The following WSCD1 variants were observed in gnomAD, a reference collection of about 807,000 sequenced individuals.
The protein encoded by WSCD1 is sialate:O-sulfotransferase 1.
WSCD1 carries 41 observed loss-of-function variants against 60.4 expected under a neutral mutation model. That is an observed-to-expected ratio of 0.68 (90% CI 0.53 to 0.88). The LOEUF is 0.88. WSCD1 is among the 40% of genes least tolerant of loss of function. The probability of loss-of-function intolerance (pLI) is 0.00; values close to 1 mark genes in which losing one functional copy is unlikely to be tolerated. For missense variants in WSCD1, 784 were observed against 796.2 expected (o/e 0.98, Z 0.18); for synonymous variants, 361 against 332.5 (o/e 1.09, Z -0.93).
rs1904775207 is a variant in WSCD1, at chr17:6,122,517, A to C, written c.*1856A>C. 6.6e-6 allele frequency: 1 copy of C among 152,258 alleles called. No homozygotes were observed. Among genetic ancestry groups the C allele is most frequent in the South Asian group, 2.1e-4 (1 of 4,832 alleles). The allele number at this position is 152,258 out of a possible 1,614,324, so 9.4% of individuals were successfully genotyped here. A position where few individuals can be genotyped will look rare whatever the true frequency, so the allele number is the denominator to read the frequency against. On this transcript the variant is annotated 3_prime_UTR_variant, in exon 9 of 9. Coordinates refer to ENST00000317744, the MANE Select transcript of WSCD1 (RefSeq NM_015253.2). ...GATGGAGCTATTTCTTCCTAGTATC[A>C]GGAGCAATTGAGACCCCTCAGGAGT...
rs1904821601 is a variant in WSCD1 at position 6,123,326 on chromosome 17, A to G, written c.*2665A>G. On this transcript the variant is annotated 3_prime_UTR_variant, in exon 9 of 9. Transcript: ENST00000317744. ...TTATGGATTTCATCTCCCGTTGTGG[A>G]TCAATTTGGAAAAACCAAAATATGT... 6.6e-6 allele frequency: 1 copy of G among 152,234 alleles called. No homozygotes were observed. The highest frequency in any genetic ancestry group is 6.5e-5 in the Admixed American group (1 of 15,282). The allele number at this position is 152,234 out of a possible 1,614,324, so 9.4% of individuals were successfully genotyped here.
chr17:6,073,843 T>C (rs1908691137), intron 1 of WSCD1, among the ~76,000 whole-genome samples: 1 of 152,214 alleles, frequency 6.6e-6, no homozygotes, highest in South Asian at 2.1e-4. Context: ...GAAGACCATG[T>C]GATATGGCTG....
In WSCD1 at chr17:6,123,256, G is replaced by A. The variant is rs1385267027; in HGVS notation, c.*2595G>A. On this transcript the variant is annotated 3_prime_UTR_variant, in exon 9 of 9. Transcript: ENST00000317744. ...CTGTCTACAGATTCCAACTTTAATA[G>A]CAAGCCTGTGGAGTTACACAAACCT... 2.0e-5 allele frequency: 3 copies of A among 152,192 alleles called. No individual in the cohort carries two copies. Among genetic ancestry groups the A allele is most frequent in the Non-Finnish European group, 2.9e-5 (2 of 68,040 alleles). 9.4% of individuals were successfully genotyped at this position (152,192 alleles called of 1,614,324 possible).
At chr17:6,089,328 A>G (rs1049246909) in intron 3 of WSCD1, among the ~76,000 whole-genome samples, 1 of 152,238 alleles carries the variant, frequency 6.6e-6, no homozygotes, top group Non-Finnish European at 1.5e-5. Flanking sequence ...GGACGTGGTC[A>G]AATGGGGACT....
In WSCD1 at chr17:6,120,574, C is replaced by G; in HGVS notation, c.1641C>G (p.Asp547Glu). Residue 547 changes from aspartate to glutamate, a missense_variant, in exon 9 of 9, where the codon GAC becomes GAG. Transcript: ENST00000317744. ...DPEPFTPEMK[D>E]LINGYIRTVD... ...AGCCCTTCACCCCGGAGATGAAAGA[C>G]TTGATCAATGGCTACATCCGGACGG... 6.2e-7 allele frequency: 1 copy of G among 1,613,790 alleles called. No individual in the cohort carries two copies. Among genetic ancestry groups the G allele is most frequent in the South Asian group, 1.1e-5 (1 of 91,086 alleles).
At position 6,110,908 on chromosome 17, in the gene WSCD1, T is replaced by A. The variant is rs945983479; in HGVS notation, c.1147T>A (p.Tyr383Asn). Reference sequence around the variant, plus strand: ...CACTGGCTTCTATACAGGGAGCTACTACTTTGATGGAACCCTCTACAACAA... The same window carrying A: ...CACTGGCTTCTATACAGGGAGCTACAACTTTGATGGAACCCTCTACAACAA... ...HATGFYTGSY[Y>N]FDGTLYNKGF... The change falls in exon 7 of 9, where the codon TAC becomes AAC. Residue 383 changes from tyrosine to asparagine, a missense_variant. Coordinates refer to ENST00000317744, the MANE Select transcript of WSCD1 (RefSeq NM_015253.2). The surrounding 1 kb of genome is among the most constrained non-coding windows in gnomAD (Gnocchi z 4.8). 1 of 1,609,280 alleles carries A rather than the reference T, an allele frequency of 6.2e-7. No homozygotes were observed. Among genetic ancestry groups the A allele is most frequent in the Non-Finnish European group, 8.5e-7 (1 of 1,176,068 alleles).
intron 4 of WSCD1, among the ~76,000 whole-genome samples, chr17:6,094,220 G>T (rs1384690007): frequency 1.3e-5 from 2 of 152,228 alleles, no homozygotes; most frequent in Non-Finnish European, 2.9e-5. Context: ...CTAGGGCACT[G>T]GACTTTTCCA....
At position 6,075,155 on chromosome 17, in the gene WSCD1, C is replaced by T. The variant is rs1908768371; in HGVS notation, c.-289+4503C>T. Among the ~76,000 whole-genome samples, 2 of 152,176 alleles carry T rather than the reference C, an allele frequency of 1.3e-5. No homozygotes were observed. Among genetic ancestry groups the T allele is most frequent in the African/African-American group, 4.8e-5 (2 of 41,424 alleles). On this transcript the variant is annotated intron_variant, in intron 1 of 8. Coordinates refer to ENST00000317744, the MANE Select transcript of WSCD1 (RefSeq NM_015253.2). This position sits in a 1 kb window ranked among gnomAD's most constrained non-coding sequence, Gnocchi z 4.1. ...CCTATTCTTGTCGCTGGGGCTCCTG[C>T]CCTGCAAAGAGCAGGCAGCTCCAAG...
chr17:6,115,239 C>G (rs1384453278), intron 7 of WSCD1, among the ~76,000 whole-genome samples: 1 of 152,150 alleles, frequency 6.6e-6, no homozygotes, highest in Admixed American at 6.5e-5. Context: ...GAAAGACTAG[C>G]AGCTTGAATT....
chr17:6,090,564 C>T, intron 4 of WSCD1, 59 bp downstream of exon 4: 1 of 1,578,238 alleles, frequency 6.3e-7, no homozygotes, highest in Admixed American at 1.9e-5. Context: ...TCTGGCTGCC[C>T]ATCCCCCACA....
chr17:6,107,107 C>A (rs921935725), intron 5 of WSCD1, among the ~76,000 whole-genome samples: 1 of 152,204 alleles, frequency 6.6e-6, no homozygotes, highest in Non-Finnish European at 1.5e-5. Context: ...CAGATGGAAG[C>A]CTTCTTACTG....
At position 6,121,278 on chromosome 17, in the gene WSCD1, A is replaced by T. The variant is rs1904685040; in HGVS notation, c.*617A>T. On this transcript the variant is annotated 3_prime_UTR_variant, in exon 9 of 9. Transcript: ENST00000317744. ...ATCCCATAAATGTGTGTGTGGTGTG[A>T]CTACGGGCACCACAAACTCCGCAGC... is the stretch of plus-strand genomic sequence containing the variant. 1 of 152,468 alleles carries T rather than the reference A, an allele frequency of 6.6e-6. No homozygotes were observed. The highest frequency in any genetic ancestry group is 1.5e-5 in the Non-Finnish European group (1 of 68,330). 9.4% of individuals were successfully genotyped at this position (152,468 alleles called of 1,614,324 possible). A position where few individuals can be genotyped will look rare whatever the true frequency, so the allele number is the denominator to read the frequency against.
chr17:6,105,494 AT>A (rs1159668687), intron 5 of WSCD1, among the ~76,000 whole-genome samples: 1 of 152,108 alleles, frequency 6.6e-6, no homozygotes, highest in African/African-American at 2.4e-5. Flanking sequence ...TCAATATTTA[AT>A]TTTTATGGAA....
intron 5 of WSCD1, among the ~76,000 whole-genome samples, chr17:6,097,063 G>A (rs1910484549): frequency 1.3e-5 from 2 of 152,260 alleles, no homozygotes; most frequent in South Asian, 4.1e-4. Flanking sequence ...CAGAGTGGCC[G>A]GCTTTGCAGC....
intron 2 of WSCD1, among the ~76,000 whole-genome samples, chr17:6,081,360 T>C (rs1909260643): frequency 6.6e-6 from 1 of 151,992 alleles, no homozygotes; most frequent in Non-Finnish European, 1.5e-5. Flanking sequence ...GCTGGAATCC[T>C]GGCCAACAAT....
intron 1 of WSCD1, among the ~76,000 whole-genome samples, chr17:6,074,796 C>A (rs2150525873): frequency 6.6e-6 from 1 of 152,336 alleles, no homozygotes; most frequent in Non-Finnish European, 1.5e-5. Flanking sequence ...GGATACAGGG[C>A]TTGCTTGTCA....
chr17:6,122,938 A>T lies in WSCD1; in HGVS notation c.*2277A>T, dbSNP rs999474317. 1.3e-5 allele frequency: 2 copies of T among 152,184 alleles called. No individual in the cohort carries two copies. The highest frequency in any genetic ancestry group is 2.9e-5 in the Non-Finnish European group (2 of 68,078). The allele number at this position is 152,184 out of a possible 1,614,324, so 9.4% of individuals were successfully genotyped here. A position where few individuals can be genotyped will look rare whatever the true frequency, so the allele number is the denominator to read the frequency against. ...CCTGGCACTTGGCAGGTACTCCTGG[A>T]TGTTGATGAGCAAGGAAGAGCAACG... On this transcript the variant is annotated 3_prime_UTR_variant, in exon 9 of 9. Coordinates refer to ENST00000317744, the MANE Select transcript of WSCD1 (RefSeq NM_015253.2).
At chr17:6,108,350 C>G (rs1383369004) in intron 5 of WSCD1, among the ~76,000 whole-genome samples, 1 of 152,150 alleles carries the variant, frequency 6.6e-6, no homozygotes, top group Non-Finnish European at 1.5e-5. Flanking sequence ...TTTCTCCACC[C>G]ACTGCCTCCC....
At chr17:6,108,201 T>C (rs750104565) in intron 5 of WSCD1, among the ~76,000 whole-genome samples, 4 of 152,248 alleles carry the variant, frequency 2.6e-5, no homozygotes, top group Non-Finnish European at 5.9e-5. Flanking sequence ...TTGTCTTTTA[T>C]GAGTGCCCAA....
Sources: allele counts gnomAD v4.1 joint callset (sites outside exome capture counted in the v4.1 genomes callset), GRCh38; gene constraint gnomAD v4.1.1; non-coding constraint Gnocchi (gnomAD v3.1); transcripts MANE v1.5; gene names NCBI Gene and HGNC (gene_info 2026-07-23, HGNC 2026-07-21).